Variants in MBTPS1 observed in about 807,000 individuals in gnomAD.
The protein encoded by MBTPS1 is membrane bound transcription factor peptidase, site 1.
In MBTPS1, 94 loss-of-function variants were observed where a neutral mutation model predicts 127.8. The ratio of observed to expected loss-of-function variants is 0.74; its 90% CI spans 0.62 to 0.87. The LOEUF is 0.87. Ranked by LOEUF, MBTPS1 falls within the 40% of genes least tolerant of loss-of-function variation. MBTPS1 has a pLI of 0.00. For synonymous variants in MBTPS1, 632 were observed against 509.4 expected (o/e 1.24, Z -3.24); for missense variants, 1,636 against 1,353.2 (o/e 1.21, Z -3.28).
At chr16:84,079,243 C>G (rs770324186) in intron 11 of MBTPS1, among the ~76,000 whole-genome samples, 1 of 152,256 alleles carries the variant, frequency 6.6e-6, no homozygotes, top group African/African-American at 2.4e-5. Context: ...CCTGTACAGC[C>G]TGCAGAACCA....
Position 84,067,843 on chromosome 16 carries a change from AG to A in MBTPS1, c.2072-21del, listed in dbSNP as rs1434497103. ...AAGTGCCTGATGAACAAAGAACCAA[AG>A]CTGGGAACTGTCACTTCTGAATGAC... On this transcript the variant is annotated intron_variant, in intron 15 of 22. Coordinates refer to ENST00000343411, the MANE Select transcript of MBTPS1 (RefSeq NM_003791.4). The A allele has an allele frequency of 6.3e-7, 1 of 1,595,778 alleles. No homozygotes were observed. Among genetic ancestry groups the A allele is most frequent in the Non-Finnish European group, 8.6e-7 (1 of 1,165,586 alleles).
In MBTPS1 at chr16:84,087,483, AAAAAAGAAAAG is replaced by A. The variant is rs767033733; in HGVS notation, c.1032-34_1032-24del. The A allele has an allele frequency of 4.9e-6, 7 of 1,423,636 alleles. No homozygotes were observed. The South Asian group carries it at 6.2e-5, about 13-fold the overall frequency. The allele number at this position is 1,423,636 out of a possible 1,614,324, so 88.2% of individuals were successfully genotyped here. A position where few individuals can be genotyped will look rare whatever the true frequency, so the allele number is the denominator to read the frequency against. Reference sequence around the variant, plus strand: ...GTGCTATATTGAGACCAAAAAAAAAAAAAAAGAAAAGAAAAAGAAAAAAACAAGAGAAATAA... The same window carrying A: ...GTGCTATATTGAGACCAAAAAAAAAAAAAAAGAAAAAAACAAGAGAAATAA... On this transcript the variant is annotated intron_variant, in intron 8 of 22. Coordinates refer to ENST00000343411, the MANE Select transcript of MBTPS1 (RefSeq NM_003791.4).
chr16:84,105,233 A>C (rs1212397023), intron 1 of MBTPS1, among the ~76,000 whole-genome samples: 1 of 152,262 alleles, frequency 6.6e-6, no homozygotes, highest in East Asian at 1.9e-4. Flanking sequence ...ATTTTACCTT[A>C]ACTCATTCAT....
intron 1 of MBTPS1, among the ~76,000 whole-genome samples, chr16:84,114,058 G>A (rs2086435573): frequency 6.6e-6 from 1 of 151,728 alleles, no homozygotes; most frequent in African/African-American, 2.4e-5. Flanking sequence ...TCTGCCTCCG[G>A]GGTTCAAGCG....
rs370340830 is a variant in MBTPS1 at position 84,081,757 on chromosome 16, G to C, written c.1438C>G (p.Pro480Ala). 9.2e-5 allele frequency: 131 copies of C among 1,419,114 alleles called. 2 individuals are homozygous for C. In the South Asian group the frequency reaches 1.0e-3, roughly 11 times the overall value. The allele number at this position is 1,419,114 out of a possible 1,614,324, so 87.9% of individuals were successfully genotyped here. ...RAYQILNSYK[P>A]QASLSPSYID... ...GGGCGGTGCACTGACCTTGCCTGTGGCTTGTAGCTGTTGAGGATCTGATAG... is the reference window on the plus strand; with the variant it reads ...GGGCGGTGCACTGACCTTGCCTGTGCCTTGTAGCTGTTGAGGATCTGATAG... The change falls in exon 11 of 23, where the codon CCA becomes GCA. Residue 480 changes from proline to alanine, a missense_variant. Coordinates refer to ENST00000343411, the MANE Select transcript of MBTPS1 (RefSeq NM_003791.4).
At chr16:84,104,331 A>C (rs1014346183) in intron 1 of MBTPS1, among the ~76,000 whole-genome samples, 5 of 152,094 alleles carry the variant, frequency 3.3e-5, no homozygotes, top group African/African-American at 1.2e-4. Context: ...AAAAACATTA[A>C]AAATTAGCTA....
intron 1 of MBTPS1, among the ~76,000 whole-genome samples, chr16:84,113,783 G>C (rs2086430817): frequency 6.6e-6 from 1 of 152,146 alleles, no homozygotes; most frequent in Non-Finnish European, 1.5e-5. Flanking sequence ...TAGCTCCAAA[G>C]GAGACTGAAT....
At chr16:84,058,895 G>A (rs117110988) in intron 21 of MBTPS1, among the ~76,000 whole-genome samples, 1 of 152,244 alleles carries the variant, frequency 6.6e-6, no homozygotes, top group East Asian at 1.9e-4. Flanking sequence ...TCTTGGACAG[G>A]CTGCAACCGC....
intron 21 of MBTPS1, 195 bp from the exon 22 acceptor site, chr16:84,056,330 G>T (rs373007323): frequency 1.9e-6 from 1 of 526,214 alleles, no homozygotes; most frequent in Non-Finnish European, 3.4e-6. Context: ...GAGGGAGAAA[G>T]ATCAAAATCA....
intron 12 of MBTPS1, chr16:84,071,737 TAAAAC>T (rs576003883): frequency 9.0e-6 from 1 of 110,604 alleles, no homozygotes; most frequent in Non-Finnish European, 2.3e-5. Flanking sequence ...ACATGAAATG[TAAAAC>T]TTTTACAGAA....
At position 84,091,810 on chromosome 16, in the gene MBTPS1, A is replaced by C; in HGVS notation, c.885T>G (p.Tyr295Ter). ...ACACGTCGATCTTCTTTAAAATGGC[A>C]TAGTTGAAGGCGTCCAAAAACCAAG... ...YTSWFLDAFN[Y>*]AILKKIDVLN... is the part of the protein sequence containing the mutation. The change falls in exon 7 of 23, where the codon TAT (tyrosine) becomes TAG (stop). Residue 295 changes from tyrosine to a stop codon, truncating the protein, a stop_gained. Coordinates refer to ENST00000343411, the MANE Select transcript of MBTPS1 (RefSeq NM_003791.4). LOFTEE classifies it high-confidence loss of function. 1 of 1,614,110 alleles carries C rather than the reference A, an allele frequency of 6.2e-7. No homozygotes were observed. The highest frequency in any genetic ancestry group is 8.5e-7 in the Non-Finnish European group (1 of 1,179,924).
intron 11 of MBTPS1, among the ~76,000 whole-genome samples, chr16:84,078,245 A>G (rs951977107): frequency 6.6e-6 from 1 of 152,078 alleles, no homozygotes; most frequent in Admixed American, 6.5e-5. Flanking sequence ...CCGGACCAGC[A>G]GTGCCACCTT....
At chr16:84,116,273 C>T (rs182670276) in intron 1 of MBTPS1, among the ~76,000 whole-genome samples, 1 of 152,338 alleles carries the variant, frequency 6.6e-6, no homozygotes, top group Admixed American at 6.5e-5. Context: ...TTTTAAGAAG[C>T]TACAGGTTTA....
At chr16:84,072,250 G>C (rs2085780824) in intron 12 of MBTPS1, 1 of 152,294 alleles carries the variant, frequency 6.6e-6, no homozygotes, top group Non-Finnish European at 1.5e-5. Context: ...CCATTGATGT[G>C]AGAAGTCCAG....
chr16:84,054,986 C>T (rs183430651), intron 22 of MBTPS1, among the ~76,000 whole-genome samples: 2 of 152,212 alleles, frequency 1.3e-5, no homozygotes, highest in East Asian at 1.9e-4. Context: ...TCTCTAAACA[C>T]AAGGGAAGAT....
At chr16:84,094,611 C>T (rs114257037) in intron 4 of MBTPS1, among the ~76,000 whole-genome samples, 2,177 of 152,192 alleles carry the variant, frequency 0.014, 45 homozygotes, top group African/African-American at 0.05. Flanking sequence ...CATATCAATA[C>T]TATGTTAAAT....
At position 84,101,617 on chromosome 16, in the gene MBTPS1, T is replaced by C. The variant is rs761693736; in HGVS notation, c.163+4A>G. 4 of 1,609,958 alleles carry C rather than the reference T, an allele frequency of 2.5e-6. No homozygotes were observed. Among genetic ancestry groups the C allele is most frequent in the African/African-American group, 2.7e-5 (2 of 74,812 alleles). ...GTTCCTAATACTTAAGACAACATCATTACCATATTCCACAACTGTTGATGA... is the reference window on the plus strand; with the variant it reads ...GTTCCTAATACTTAAGACAACATCACTACCATATTCCACAACTGTTGATGA... On this transcript the variant is annotated splice_donor_region_variant and intron_variant, in intron 2 of 22. Coordinates refer to ENST00000343411, the MANE Select transcript of MBTPS1 (RefSeq NM_003791.4).
At position 84,054,209 on chromosome 16, in the gene MBTPS1, C is replaced by CG. The variant is rs979657208; in HGVS notation, c.*239dup. ...AGTCTTTGGTGCGCACAGCTGCCGG[C>CG]GGGAAGTCTCACTGGCGGCAGAGCC... is the stretch of plus-strand genomic sequence containing the variant. On this transcript the variant is annotated 3_prime_UTR_variant, in exon 23 of 23. Coordinates refer to ENST00000343411, the MANE Select transcript of MBTPS1 (RefSeq NM_003791.4). 2.8e-5 allele frequency: 10 copies of CG among 358,632 alleles called. No homozygotes were observed. The highest frequency in any genetic ancestry group is 3.0e-5 in the Non-Finnish European group (6 of 198,248). The allele number at this position is 358,632 out of a possible 1,614,324, so 22.2% of individuals were successfully genotyped here.
intron 11 of MBTPS1, among the ~76,000 whole-genome samples, chr16:84,076,876 C>A (rs1445682507): frequency 6.6e-6 from 1 of 152,132 alleles, no homozygotes; most frequent in African/African-American, 2.4e-5. Flanking sequence ...AAGCTTCTTT[C>A]ATAGAATTAA....
Sources: gnomAD v4.1 joint callset for allele counts (sites outside exome capture counted in the v4.1 genomes callset) on GRCh38, gnomAD v4.1.1 for gene constraint, MANE v1.5 for transcripts, NCBI Gene and HGNC (gene_info 2026-07-23, HGNC 2026-07-21) for gene names.